The following PCLO variants were observed in gnomAD, a reference collection of about 807,000 sequenced individuals.
PCLO encodes the protein piccolo presynaptic cytomatrix protein.
Under a neutral mutation model 427.5 loss-of-function variants are expected in PCLO, and 82 were observed. That is an observed-to-expected ratio of 0.19 (90% CI 0.16 to 0.23). The LOEUF is 0.23. Ranked by LOEUF, PCLO falls within the 10% of genes least tolerant of loss-of-function variation. The probability of loss-of-function intolerance (pLI) is 1.00; values close to 1 mark genes in which losing one functional copy is unlikely to be tolerated. For synonymous variants in PCLO, 2,357 were observed against 2,155.4 expected (o/e 1.09, Z -2.59); for missense variants, 6,239 against 6,115.9 (o/e 1.02, Z -0.67).
intron 15 of PCLO, among the ~76,000 whole-genome samples, chr7:82,837,334 A>T (rs371923011): frequency 6.6e-6 from 1 of 152,046 alleles, no homozygotes; most frequent in Non-Finnish European, 1.5e-5. Context: ...GAAAATTTCC[A>T]AGTTAAAAGG....
intron 22 of PCLO, among the ~76,000 whole-genome samples, chr7:82,780,618 G>A (rs1268342939): frequency 1.3e-5 from 2 of 152,130 alleles, no homozygotes. Flanking sequence ...CGCGATCTCC[G>A]CTCAATGCAA....
In PCLO at chr7:82,974,374, C is replaced by T. The variant is rs149315143; in HGVS notation, c.3301-7887G>A. 1.3e-3 allele frequency among the ~76,000 whole-genome samples: 201 copies of T among 152,206 alleles called. 1 individual carries two copies. The highest frequency in any genetic ancestry group is 4.8e-3 in the African/African-American group (200 of 41,526). On this transcript the variant is annotated intron_variant, in intron 3 of 24. Transcript: ENST00000333891. ...GTGTGATTCTCAACTGAGTAGACTA[C>T]CTGATCTGAGTTTAATCAGAGTTAT...
intron 8 of PCLO, among the ~76,000 whole-genome samples, chr7:82,907,850 C>T (rs2116224961): frequency 6.6e-6 from 1 of 151,944 alleles, no homozygotes; most frequent in African/African-American, 2.4e-5. Flanking sequence ...ACTTAAATTG[C>T]TTAGAAATAA....
chr7:82,995,837 A>G (rs1796482451), intron 3 of PCLO, among the ~76,000 whole-genome samples: 1 of 152,004 alleles, frequency 6.6e-6, no homozygotes, highest in Admixed American at 6.6e-5. Context: ...TGCACGGTAT[A>G]TAGTAAACAT....
chr7:83,156,572 T>C (rs1792307639), intron 1 of PCLO, among the ~76,000 whole-genome samples, 180 bp from the exon 2 acceptor site: 1 of 151,894 alleles, frequency 6.6e-6, no homozygotes, highest in Non-Finnish European at 1.5e-5. Context: ...TTTTTTTTCT[T>C]TCTTTAAATG....
At chr7:82,882,997 C>A (rs977112943) in intron 9 of PCLO, among the ~76,000 whole-genome samples, 1 of 151,982 alleles carries the variant, frequency 6.6e-6, no homozygotes. Context: ...TAGAACATTA[C>A]ATTTGGATAA....
At chr7:82,910,527 CT>C (rs1393563683) in intron 7 of PCLO, among the ~76,000 whole-genome samples, 8 of 152,106 alleles carry the variant, frequency 5.3e-5, no homozygotes, top group African/African-American at 1.9e-4. Flanking sequence ...CTATTCTAAG[CT>C]GCTTAAAGGC....
intron 3 of PCLO, among the ~76,000 whole-genome samples, chr7:83,122,189 A>G (rs549569955): frequency 2.6e-5 from 4 of 151,656 alleles, no homozygotes; most frequent in Admixed American, 1.3e-4. Context: ...AAACAGACCC[A>G]CAGCTGATGT....
At position 83,124,481 on chromosome 7, in the gene PCLO, G is replaced by A. The variant is rs566180188; in HGVS notation, c.3300+9769C>T. Among the ~76,000 whole-genome samples the A allele has an allele frequency of 3.4e-4, 52 of 152,052 alleles. 1 individual carries two copies. The Middle Eastern group carries it at 0.01, about 30-fold the overall frequency. ...ACAATACATTCTCTCACTCCATTTA[G>A]AATGGCTTTTATCCAAAAGACAGGC... On this transcript the variant is annotated intron_variant, in intron 3 of 24. Transcript: ENST00000333891.
At chr7:82,878,124 A>C (rs1369160001) in intron 10 of PCLO, among the ~76,000 whole-genome samples, 2 of 152,352 alleles carry the variant, frequency 1.3e-5, no homozygotes, top group East Asian at 3.9e-4. Flanking sequence ...CACTATAGCC[A>C]ATTCAAGCTA....
At chr7:83,106,643 T>A (rs1208806579) in intron 3 of PCLO, among the ~76,000 whole-genome samples, 1 of 152,138 alleles carries the variant, frequency 6.6e-6, no homozygotes, top group Admixed American at 6.6e-5. Flanking sequence ...AAAATTTTAA[T>A]CAAAATTTTA....
intron 3 of PCLO, among the ~76,000 whole-genome samples, chr7:82,973,597 G>GTC (rs59278513): frequency 0.074 from 11,173 of 151,950 alleles, 1,390 homozygotes; most frequent in African/African-American, 0.26. Context: ...TAGTGGTCAT[G>GTC]CCTACCCATC....
At chr7:83,128,882 T>C (rs556935414) in intron 3 of PCLO, among the ~76,000 whole-genome samples, 1 of 152,312 alleles carries the variant, frequency 6.6e-6, no homozygotes, top group East Asian at 1.9e-4. Context: ...TGATTCCAGC[T>C]TCTATGCTTC....
At chr7:83,031,713 T>C (rs1255530800) in intron 3 of PCLO, among the ~76,000 whole-genome samples, 1 of 39,618 alleles carries the variant, frequency 2.5e-5, no homozygotes, top group African/African-American at 6.1e-5. Flanking sequence ...TGAGTCTTAA[T>C]CTCTCTCTCT....
chr7:82,822,577 G>T lies in PCLO; in HGVS notation c.14709C>A (p.Ser4903Arg). 3 of 1,613,856 alleles carry T rather than the reference G, an allele frequency of 1.9e-6. No individual in the cohort carries two copies. Among genetic ancestry groups the T allele is most frequent in the Non-Finnish European group, 2.5e-6 (3 of 1,179,838 alleles). Residue 4903 changes from serine to arginine, a missense_variant, in exon 20 of 25, where the codon AGC (serine) becomes AGA (arginine). This residue lies in a region of PCLO where 877 missense variants were observed against 925.5 expected (regional missense o/e 0.95). Coordinates refer to ENST00000333891, the MANE Select transcript of PCLO (RefSeq NM_033026.6). ...CATCTTCCAGGTGGGTCTGAGTGAC[G>T]CTGGTTTTGCTTTGACTGCGAGATG... ...HGPSRSQSKTSVTQTHLEDAG... is the reference protein window; with the variant it reads ...HGPSRSQSKTRVTQTHLEDAG...
At chr7:82,914,465 A>G (rs1193092534) in intron 7 of PCLO, 5 of 619,564 alleles carry the variant, frequency 8.1e-6, no homozygotes, top group Non-Finnish European at 1.4e-5. Context: ...CAATCAAGAA[A>G]CAGAACAATA....
chr7:83,138,303 A>C (rs2116628705), intron 2 of PCLO, among the ~76,000 whole-genome samples: 1 of 152,296 alleles, frequency 6.6e-6, no homozygotes, highest in African/African-American at 2.4e-5. Context: ...TTTCAAAATA[A>C]AAAATTCTTT....
chr7:83,010,440 T>A (rs993505533), intron 3 of PCLO, among the ~76,000 whole-genome samples: 1 of 151,798 alleles, frequency 6.6e-6, no homozygotes, highest in Non-Finnish European at 1.5e-5. Flanking sequence ...TGACATCCAA[T>A]TCAGGAAAAA....
chr7:83,070,980 T>C (rs1789801070), intron 3 of PCLO, among the ~76,000 whole-genome samples: 1 of 152,074 alleles, frequency 6.6e-6, no homozygotes, highest in South Asian at 2.1e-4. Flanking sequence ...TTATTGCTGA[T>C]ATTTATGTTT....
Sources: gnomAD v4.1 joint callset for allele counts (sites outside exome capture counted in the v4.1 genomes callset) on GRCh38, gnomAD v4.1.1 for gene constraint, gnomAD v4.1.1 regional missense constraint, MANE v1.5 for transcripts, NCBI Gene and HGNC (gene_info 2026-07-23, HGNC 2026-07-21) for gene names.